TNIK: variants seen among roughly 807,000 people sequenced by gnomAD.
The protein encoded by TNIK is TRAF2 and NCK-interacting protein kinase.
Under a neutral mutation model 191.3 loss-of-function variants are expected in TNIK, and 49 were observed. That is an observed-to-expected ratio of 0.26 (90% CI 0.20 to 0.32). TNIK has a LOEUF of 0.32. TNIK is among the 10% of genes least tolerant of loss of function. The probability of loss-of-function intolerance (pLI) is 1.00; values close to 1 mark genes in which losing one functional copy is unlikely to be tolerated. For synonymous variants in TNIK, 594 were observed against 600.9 expected (o/e 0.99, Z 0.17); for missense variants, 1,155 against 1,702.3 (o/e 0.68, Z 5.66).
At chr3:171,352,715 T>C (rs1713406357) in intron 2 of TNIK, among the ~76,000 whole-genome samples, 1 of 152,174 alleles carries the variant, frequency 6.6e-6, no homozygotes, top group Admixed American at 6.5e-5. Flanking sequence ...ATAAACAGTC[T>C]TAAGATACCC....
At chr3:171,403,353 G>A (rs540821119) in intron 1 of TNIK, among the ~76,000 whole-genome samples, 9 of 152,168 alleles carry the variant, frequency 5.9e-5, no homozygotes, top group Non-Finnish European at 1.3e-4. Flanking sequence ...GGTGGCTCAC[G>A]CCTGTAATCC....
chr3:171,283,291 C>T (rs1750672459), intron 2 of TNIK, among the ~76,000 whole-genome samples: 1 of 152,034 alleles, frequency 6.6e-6, no homozygotes, highest in South Asian at 2.1e-4. Context: ...TCCTCTTTTT[C>T]CACAAAAATA....
At chr3:171,301,314 C>CTTTTTT (rs36084093) in intron 2 of TNIK, among the ~76,000 whole-genome samples, 1 of 133,692 alleles carries the variant, frequency 7.5e-6, no homozygotes, top group African/African-American at 2.8e-5. Flanking sequence ...ACTAGCTGGA[C>CTTTTTT]TTTTTTTTTT....
chr3:171,091,873 G>C (rs550807387), intron 23 of TNIK, among the ~76,000 whole-genome samples: 139 of 152,036 alleles, frequency 9.1e-4, no homozygotes, highest in Middle Eastern at 3.4e-3. Context: ...GAAATTGAGA[G>C]GACAAAAATA....
intron 4 of TNIK, among the ~76,000 whole-genome samples, chr3:171,209,838 A>G (rs1407095662): frequency 6.6e-6 from 1 of 152,088 alleles, no homozygotes; most frequent in Non-Finnish European, 1.5e-5. Context: ...TAACATTTTT[A>G]TATCTTTTTT....
chr3:171,155,886 C>A (rs993816391), intron 12 of TNIK, among the ~76,000 whole-genome samples: 3 of 152,188 alleles, frequency 2.0e-5, no homozygotes, highest in Admixed American at 6.5e-5. Context: ...CTCTGCAGGC[C>A]AATCCCCTGG....
chr3:171,415,214 A>G (rs1722899927), intron 1 of TNIK, among the ~76,000 whole-genome samples: 1 of 151,974 alleles, frequency 6.6e-6, no homozygotes, highest in African/African-American at 2.4e-5. Flanking sequence ...TCCTCAAACC[A>G]TCTAATCTTA....
At chr3:171,371,425 C>G (rs1716474436) in intron 1 of TNIK, among the ~76,000 whole-genome samples, 2 of 152,144 alleles carry the variant, frequency 1.3e-5, no homozygotes, top group African/African-American at 4.8e-5. Flanking sequence ...ACAGATTAAG[C>G]ACTTAGTCAC....
chr3:171,349,864 C>T (rs528564590), intron 2 of TNIK, among the ~76,000 whole-genome samples: 5 of 152,048 alleles, frequency 3.3e-5, no homozygotes, highest in Non-Finnish European at 7.4e-5. Context: ...AAGTAGTATT[C>T]GAGGGCTTTT....
intron 17 of TNIK, among the ~76,000 whole-genome samples, chr3:171,124,029 G>T (rs1728140202): frequency 6.6e-6 from 1 of 152,162 alleles, no homozygotes; most frequent in Non-Finnish European, 1.5e-5. Context: ...GGCAAAAGTG[G>T]TAAATACCAG....
chr3:171,432,002 T>C (rs1270790634), intron 1 of TNIK, among the ~76,000 whole-genome samples: 1 of 152,244 alleles, frequency 6.6e-6, no homozygotes, highest in African/African-American at 2.4e-5. Flanking sequence ...GAAGAAAACA[T>C]GCAAAACGTA....
chr3:171,058,962 C>A lies in TNIK; in HGVS notation c.*4919G>T, dbSNP rs1332311371. 6.6e-6 allele frequency among the ~76,000 whole-genome samples: 1 copy of A among 152,156 alleles called. No individual in the cohort carries two copies. Among genetic ancestry groups the A allele is most frequent in the Admixed American group, 6.5e-5 (1 of 15,270 alleles). On this transcript the variant is annotated 3_prime_UTR_variant, in exon 33 of 33. Coordinates refer to ENST00000436636, the MANE Select transcript of TNIK (RefSeq NM_015028.4). ...ACATACCATAATAAGTATTACTATT[C>A]CTTAACATTTATCCCAGGGGAAGAG...
At chr3:171,064,511 T>C (rs1282281809) in intron 32 of TNIK, among the ~76,000 whole-genome samples, 1 of 152,222 alleles carries the variant, frequency 6.6e-6, no homozygotes, top group Non-Finnish European at 1.5e-5. Context: ...TAGGGCAAGG[T>C]ATTTAATGCC....
intron 2 of TNIK, among the ~76,000 whole-genome samples, chr3:171,283,135 G>C (rs1054959038): frequency 1.3e-5 from 2 of 149,022 alleles, no homozygotes. Context: ...GAGGTGGGCA[G>C]AGAAGTTAAA....
chr3:171,085,085 C>CT, intron 25 of TNIK, 33 bp downstream of exon 25: 1 of 1,547,742 alleles, frequency 6.5e-7, no homozygotes, highest in South Asian at 1.2e-5. Context: ...GAAGACGAAG[C>CT]TGTTTTTTAA....
Position 171,348,796 on chromosome 3 carries a change from A to C in TNIK, c.123+20824T>G, listed in dbSNP as rs118042521. On this transcript the variant is annotated intron_variant, in intron 2 of 32. Transcript: ENST00000436636. ...CTATGCTGGTAAGCCTCAAACACAA[A>C]TGAAAGTGTTATTTCTTAAAGTATA... Among the ~76,000 whole-genome samples the C allele has an allele frequency of 9.1e-4, 139 of 152,228 alleles. No individual in the cohort carries two copies. The East Asian group carries it at 0.025, about 27-fold the overall frequency.
rs745618251 is a variant in TNIK at position 171,128,912 on chromosome 3, G to T, written c.1609-34C>A. On this transcript the variant is annotated intron_variant, in intron 15 of 32. Transcript: ENST00000436636. The stretch of plus-strand genomic sequence containing the variant: ...CAAAAAAAAAAAAAAAAAAAAGACA[G>T]CCTCAATGTATAGAAGTAGATCACC... The T allele has an allele frequency of 1.6e-5, 18 of 1,157,874 alleles. No individual in the cohort carries two copies. In the South Asian group the frequency reaches 2.6e-4, roughly 17 times the overall value. The allele number at this position is 1,157,874 out of a possible 1,614,324, so 71.7% of individuals were successfully genotyped here.
Position 171,140,516 on chromosome 3 carries a change from G to A in TNIK, c.1222-7C>T, listed in dbSNP as rs375957977. 1.2e-6 allele frequency: 2 copies of A among 1,612,514 alleles called. No homozygotes were observed. Among genetic ancestry groups the A allele is most frequent in the Non-Finnish European group, 1.7e-6 (2 of 1,179,354 alleles). ...CCTTCTCTCGCCTTTGTTGCTGTGGGGCAACAAGCAGACAACCATGAAGGC... is the reference window on the plus strand; with the variant it reads ...CCTTCTCTCGCCTTTGTTGCTGTGGAGCAACAAGCAGACAACCATGAAGGC... On this transcript the variant is annotated splice_region_variant and splice_polypyrimidine_tract_variant and intron_variant, in intron 12 of 32. Transcript: ENST00000436636.
intron 4 of TNIK, among the ~76,000 whole-genome samples, chr3:171,199,436 A>G (rs909240973): frequency 2.0e-5 from 3 of 152,224 alleles, no homozygotes; most frequent in East Asian, 3.8e-4. Flanking sequence ...TCCCTGAAAG[A>G]AAGTTCTCAA....
Sources: allele counts gnomAD v4.1 joint callset (sites outside exome capture counted in the v4.1 genomes callset), GRCh38; gene constraint gnomAD v4.1.1; transcripts MANE v1.5; gene names NCBI Gene and HGNC (gene_info 2026-07-23, HGNC 2026-07-21).